The following ADAMTSL1 variants were observed in gnomAD, a reference collection of about 807,000 sequenced individuals.
ADAMTSL1 encodes ADAMTS-like protein 1.
Under a neutral mutation model 201.8 loss-of-function variants are expected in ADAMTSL1, and 126 were observed. The observed-to-expected ratio is 0.62, with a 90% CI of 0.54 to 0.72. The LOEUF (loss-of-function observed/expected upper bound fraction) is 0.72. Ranked by LOEUF, ADAMTSL1 falls within the 30% of genes least tolerant of loss-of-function variation. ADAMTSL1 has a pLI of 0.00. For missense variants in ADAMTSL1, 2,679 were observed against 2,277.8 expected, an observed-to-expected ratio of 1.18 and a Z score of -3.59; for synonymous variants, 1,121 against 903.4, an observed-to-expected ratio of 1.24 and a Z score of -4.32.
chr9:18,103,446 A>T (rs927160795), intron 1 of ADAMTSL1, among the ~76,000 whole-genome samples: 2 of 152,204 alleles, frequency 1.3e-5, no homozygotes, highest in African/African-American at 4.8e-5. Flanking sequence ...AATTTCAAGA[A>T]ATAATCTAAG....
chr9:18,842,397 G>A (rs1825778468), intron 23 of ADAMTSL1, among the ~76,000 whole-genome samples: 1 of 152,178 alleles, frequency 6.6e-6, no homozygotes, highest in Non-Finnish European at 1.5e-5. Flanking sequence ...ACTGTGGTCT[G>A]AGGGACAGTT....
chr9:18,324,051 A>G (rs2132868630), intron 2 of ADAMTSL1, among the ~76,000 whole-genome samples: 1 of 152,366 alleles, frequency 6.6e-6, no homozygotes, highest in South Asian at 2.1e-4. Context: ...GAGATTAAAT[A>G]GGATTTATAC....
chr9:18,203,142 C>T (rs1467485201), intron 2 of ADAMTSL1, among the ~76,000 whole-genome samples: 1 of 152,142 alleles, frequency 6.6e-6, no homozygotes, highest in Non-Finnish European at 1.5e-5. Context: ...TGCTCATGCT[C>T]TGTTTATACA....
chr9:18,411,501 A>G (rs1204008910), intron 2 of ADAMTSL1, among the ~76,000 whole-genome samples: 2 of 152,148 alleles, frequency 1.3e-5, no homozygotes, highest in Non-Finnish European at 2.9e-5. Flanking sequence ...ACCTGGCCTG[A>G]TGGGTAGATT....
At chr9:18,501,721 C>A (rs1375105734) in intron 1 of ADAMTSL1, among the ~76,000 whole-genome samples, 1 of 152,086 alleles carries the variant, frequency 6.6e-6, no homozygotes, top group Admixed American at 6.5e-5. Context: ...TCACTTTCTC[C>A]AACATTAAAC....
intron 2 of ADAMTSL1, among the ~76,000 whole-genome samples, chr9:18,416,978 G>A (rs568406479): frequency 6.6e-6 from 1 of 152,112 alleles, no homozygotes; most frequent in African/African-American, 2.4e-5. Flanking sequence ...TTCTTTTCAA[G>A]TGTAGATGGC....
intron 1 of ADAMTSL1, among the ~76,000 whole-genome samples, chr9:18,045,802 T>A (rs1821634238): frequency 6.6e-6 from 1 of 152,032 alleles, no homozygotes; most frequent in Non-Finnish European, 1.5e-5. Flanking sequence ...GATACTCACT[T>A]GGTGCCTTTA....
At position 18,775,681 on chromosome 9, in the gene ADAMTSL1, A is replaced by AT. The variant is rs1295309032; in HGVS notation, c.2398-60dup. 5 of 1,565,628 alleles carry AT rather than the reference A, an allele frequency of 3.2e-6. No homozygotes were observed. In the African/African-American group the frequency reaches 6.8e-5, roughly 21 times the overall value. The stretch of plus-strand genomic sequence containing the variant: ...CATATTTTGATGAGTTTGACAGTCT[A>AT]TTAAAAAATTAGCTTCTAGTTCCCA... On this transcript the variant is annotated intron_variant, in intron 17 of 28. Coordinates refer to ENST00000380548, the MANE Select transcript of ADAMTSL1 (RefSeq NM_001040272.6).
intron 2 of ADAMTSL1, among the ~76,000 whole-genome samples, chr9:18,397,561 G>A (rs560618985): frequency 3.2e-4 from 49 of 152,136 alleles, no homozygotes; most frequent in African/African-American, 1.1e-3. Flanking sequence ...TCTCAACATC[G>A]GTACTGGTGG....
intron 2 of ADAMTSL1, among the ~76,000 whole-genome samples, chr9:18,406,289 T>TTTTCTTTTCTTTTC (rs1818190417): frequency 1.1e-3 from 127 of 117,488 alleles, no homozygotes; most frequent in African/African-American, 4.2e-3. Flanking sequence ...ATAAGACAGT[T>TTTTCTTTTCTTTTC]TTTTCTTTTC....
chr9:18,130,737 T>A (rs567921054), intron 1 of ADAMTSL1, among the ~76,000 whole-genome samples: 1 of 152,086 alleles, frequency 6.6e-6, no homozygotes, highest in Non-Finnish European at 1.5e-5. Flanking sequence ...CATAGGGAAC[T>A]TTTTTTCTTT....
chr9:18,388,765 C>CT (rs1013740807), intron 2 of ADAMTSL1, among the ~76,000 whole-genome samples: 12 of 145,664 alleles, frequency 8.2e-5, no homozygotes, highest in South Asian at 4.4e-4. Flanking sequence ...ATTTTTTTTT[C>CT]TTTTTTTTTG....
chr9:18,600,676 C>A (rs1445343362), intron 4 of ADAMTSL1, among the ~76,000 whole-genome samples: 1 of 151,992 alleles, frequency 6.6e-6, no homozygotes, highest in African/African-American at 2.4e-5. Context: ...CTAAGGCATA[C>A]AGCCATTCTC....
rs61595517 is a variant in ADAMTSL1, at chr9:18,575,788, A to G, written c.474+1522A>G. ...AAGCTGTATGTTTGGTCATGCCAGA[A>G]ATGGGACTAAATTCCACATCTCCTG... is the stretch of plus-strand genomic sequence containing the variant. On this transcript the variant is annotated intron_variant, in intron 4 of 28. Coordinates refer to ENST00000380548, the MANE Select transcript of ADAMTSL1 (RefSeq NM_001040272.6). Among the ~76,000 whole-genome samples the G allele has an allele frequency of 4.9e-3, 740 of 152,292 alleles. 6 individuals carry two copies. The highest frequency in any genetic ancestry group is 0.017 in the African/African-American group (709 of 41,568).
intron 21 of ADAMTSL1, among the ~76,000 whole-genome samples, chr9:18,822,635 T>G (rs780467194): frequency 6.6e-6 from 1 of 152,160 alleles, no homozygotes; most frequent in Non-Finnish European, 1.5e-5. Context: ...CGTTCAGGCA[T>G]CCAAACAAAT....
At chr9:18,245,058 G>C (rs931079628) in intron 2 of ADAMTSL1, among the ~76,000 whole-genome samples, 2 of 152,150 alleles carry the variant, frequency 1.3e-5, no homozygotes, top group African/African-American at 4.8e-5. Context: ...GACCATCAAG[G>C]TGGGAGTAAC....
At chr9:17,974,901 C>T (rs1385624134) in intron 1 of ADAMTSL1, among the ~76,000 whole-genome samples, 1 of 151,958 alleles carries the variant, frequency 6.6e-6, no homozygotes, top group African/African-American at 2.4e-5. Context: ...ATTGTTTGAT[C>T]ATCTAATAGT....
intron 7 of ADAMTSL1, among the ~76,000 whole-genome samples, chr9:18,640,159 A>G (rs980903579): frequency 2.0e-5 from 3 of 152,106 alleles, no homozygotes; most frequent in Admixed American, 1.3e-4. Flanking sequence ...AAGAATGCAT[A>G]TAGGAAAATG....
chr9:18,316,312 T>C lies in ADAMTSL1; in HGVS notation c.207+152331T>C, dbSNP rs536802458. Among the ~76,000 whole-genome samples the C allele has an allele frequency of 3.9e-5, 6 of 152,198 alleles. No individual in the cohort carries two copies. The South Asian group carries it at 1.3e-3, about 32-fold the overall frequency. ...GACAGGGTTTTGAGGGCAACTGGTC[T>C]GACCAAAATTATTAGGTGGGAATTT... On this transcript the variant is annotated intron_variant, in intron 2 of 29. Transcript: ENST00000680146.
Sources: allele counts gnomAD v4.1 joint callset (sites outside exome capture counted in the v4.1 genomes callset), GRCh38; gene constraint gnomAD v4.1.1; transcripts MANE v1.5; gene names NCBI Gene and HGNC (gene_info 2026-07-23, HGNC 2026-07-21).